The following RNGTT variants were observed in gnomAD, a reference collection of about 807,000 sequenced individuals.
RNGTT encodes RNA guanylyltransferase and 5'-phosphatase.
A neutral mutation model predicts 79.3 loss-of-function variants in RNGTT; 33 were observed. The ratio of observed to expected loss-of-function variants is 0.42; its 90% CI spans 0.32 to 0.56. The LOEUF (loss-of-function observed/expected upper bound fraction) is 0.56, where lower values mean the gene tolerates loss of function less well. Ranked by LOEUF, RNGTT falls within the 20% of genes least tolerant of loss-of-function variation. The probability of loss-of-function intolerance (pLI) is 0.17; values close to 1 mark genes in which losing one functional copy is unlikely to be tolerated. For synonymous variants in RNGTT, 222 were observed against 235.9 expected (o/e 0.94, Z 0.54); for missense variants, 497 against 739.1 (o/e 0.67, Z 3.80).
intron 13 of RNGTT, among the ~76,000 whole-genome samples, chr6:88,698,937 G>T (rs545541933): frequency 6.6e-6 from 1 of 152,134 alleles, no homozygotes; most frequent in African/African-American, 2.4e-5. Flanking sequence ...AGTGCACAGC[G>T]CTGGCAATGT....
At chr6:88,815,810 G>C (rs922043137) in intron 11 of RNGTT, among the ~76,000 whole-genome samples, 3 of 152,140 alleles carry the variant, frequency 2.0e-5, no homozygotes, top group African/African-American at 7.2e-5. Flanking sequence ...TGATGTCTCC[G>C]GATGAGGACA....
intron 13 of RNGTT, among the ~76,000 whole-genome samples, chr6:88,718,807 C>T (rs892797887): frequency 5.3e-5 from 8 of 151,910 alleles, no homozygotes; most frequent in South Asian, 2.1e-4. Flanking sequence ...TGAACCACAG[C>T]GAAGAAGTAG....
chr6:88,739,724 ATTATATATAT>A (rs1777404652), intron 13 of RNGTT, among the ~76,000 whole-genome samples: 1 of 52,436 alleles, frequency 1.9e-5, no homozygotes, highest in African/African-American at 6.6e-5. Flanking sequence ...TGTGAAAAAA[ATTATATATAT>A]ATATATATAT....
chr6:88,837,448 A>AGT (rs1292960516), intron 11 of RNGTT, among the ~76,000 whole-genome samples: 2 of 152,116 alleles, frequency 1.3e-5, no homozygotes, highest in African/African-American at 4.8e-5. Context: ...TTTTAAACCA[A>AGT]GTTTTTTTAT....
At chr6:88,701,528 C>A (rs1043135405) in intron 13 of RNGTT, among the ~76,000 whole-genome samples, 16 of 129,438 alleles carry the variant, frequency 1.2e-4, no homozygotes, top group African/African-American at 7.4e-4. Flanking sequence ...AATGCAACAA[C>A]AAAAAATTAT....
At chr6:88,742,311 A>G (rs1777519302) in intron 13 of RNGTT, among the ~76,000 whole-genome samples, 2 of 152,188 alleles carry the variant, frequency 1.3e-5, no homozygotes, top group Non-Finnish European at 2.9e-5. Context: ...TTTAAAAGCT[A>G]ATCAGTTCTG....
At chr6:88,954,000 C>T (rs889778521) in intron 1 of RNGTT, among the ~76,000 whole-genome samples, 10 of 152,068 alleles carry the variant, frequency 6.6e-5, no homozygotes, top group African/African-American at 2.4e-4. Flanking sequence ...GAAATAAAAC[C>T]TCAAAATACA....
chr6:88,761,741 GAGTAGTTGA>G (rs1380099698), intron 13 of RNGTT, among the ~76,000 whole-genome samples: 3 of 152,146 alleles, frequency 2.0e-5, no homozygotes, highest in Non-Finnish European at 1.5e-5. Context: ...TGGTAGACTT[GAGTAGTTGA>G]GATACATAGG....
chr6:88,923,163 G>A (rs1784214616), intron 4 of RNGTT, among the ~76,000 whole-genome samples: 1 of 152,206 alleles, frequency 6.6e-6, no homozygotes, highest in Non-Finnish European at 1.5e-5. Flanking sequence ...ACTAACATAA[G>A]TGGGTTCAAG....
chr6:88,657,516 A>C (rs1030558845), intron 14 of RNGTT, among the ~76,000 whole-genome samples: 1 of 152,146 alleles, frequency 6.6e-6, no homozygotes, highest in Non-Finnish European at 1.5e-5. Flanking sequence ...AATGAGCACA[A>C]GTTTTCCTAA....
chr6:88,695,294 G>T (rs1324048503), intron 13 of RNGTT, among the ~76,000 whole-genome samples: 1 of 151,796 alleles, frequency 6.6e-6, no homozygotes, highest in Non-Finnish European at 1.5e-5. Context: ...AAATATATAA[G>T]GAACTCAAAA....
At position 88,811,207 on chromosome 6, in the gene RNGTT, C is replaced by T. The variant is rs117797504; in HGVS notation, c.1270-9575G>A. On this transcript the variant is annotated intron_variant, in intron 11 of 15. Transcript: ENST00000369485. Reference sequence around the variant, plus strand: ...TAGGATACAATCCTTTTCAGAATTACAATTTTCTTGATAATTTTCCCTCCA... The same window carrying T: ...TAGGATACAATCCTTTTCAGAATTATAATTTTCTTGATAATTTTCCCTCCA... Among the ~76,000 whole-genome samples, 209 of 152,264 alleles carry T rather than the reference C, an allele frequency of 1.4e-3. 2 individuals carry two copies. The highest frequency in any genetic ancestry group is 2.5e-3 in the Non-Finnish European group (173 of 68,008).
intron 13 of RNGTT, chr6:88,714,522 A>C (rs1185235139): frequency 2.2e-5 from 2 of 89,148 alleles, no homozygotes; most frequent in Non-Finnish European, 3.8e-5. Flanking sequence ...GGCTCACTGC[A>C]AGCTCCGCCT....
intron 1 of RNGTT, among the ~76,000 whole-genome samples, chr6:88,942,597 C>T (rs575011205): frequency 6.6e-6 from 1 of 152,176 alleles, no homozygotes; most frequent in South Asian, 2.1e-4. Flanking sequence ...TCTCGAATTC[C>T]TAAGCTCAAG....
chr6:88,724,391 A>G (rs1776813746), intron 13 of RNGTT, among the ~76,000 whole-genome samples: 1 of 152,216 alleles, frequency 6.6e-6, no homozygotes, highest in Non-Finnish European at 1.5e-5. Flanking sequence ...TTGTGTTACA[A>G]TTGCCTACAA....
At chr6:88,891,255 T>C (rs1783039066) in intron 7 of RNGTT, among the ~76,000 whole-genome samples, 1 of 152,158 alleles carries the variant, frequency 6.6e-6, no homozygotes, top group Admixed American at 6.5e-5. Context: ...TTAACAATAA[T>C]CCTTTTTCCT....
intron 11 of RNGTT, among the ~76,000 whole-genome samples, chr6:88,829,721 A>AAAAAAAC (rs1554221603): frequency 2.4e-4 from 28 of 115,566 alleles, no homozygotes; most frequent in East Asian, 5.1e-4. Flanking sequence ...AAAAAAAAAA[A>AAAAAAAC]AAACCAGGGG....
chr6:88,750,798 T>A (rs1275034032), intron 13 of RNGTT, among the ~76,000 whole-genome samples: 1 of 152,178 alleles, frequency 6.6e-6, no homozygotes, highest in Non-Finnish European at 1.5e-5. Context: ...CTCTGGAACC[T>A]TCTTGGTCCT....
At chr6:88,738,454 G>C (rs1777356761) in intron 13 of RNGTT, among the ~76,000 whole-genome samples, 1 of 152,118 alleles carries the variant, frequency 6.6e-6, no homozygotes. Flanking sequence ...CACCAAGTCT[G>C]GCAAACATGT....
Sources: allele counts gnomAD v4.1 joint callset (sites outside exome capture counted in the v4.1 genomes callset), GRCh38; gene constraint gnomAD v4.1.1; transcripts MANE v1.5; gene names NCBI Gene and HGNC (gene_info 2026-07-23, HGNC 2026-07-21).